ZNF420: variants seen among roughly 807,000 people sequenced by gnomAD.
ZNF420 encodes the protein ATM and p53-associated KZNF protein.
In ZNF420, 31 loss-of-function variants were observed where a neutral mutation model predicts 44.7. That is an observed-to-expected ratio of 0.69 (90% CI 0.52 to 0.94). The LOEUF is 0.94. Among genes scored for constraint, ZNF420 ranks in the 40% least tolerant of loss-of-function variants. The pLI, the probability that ZNF420 is intolerant of heterozygous loss-of-function variation, is 0.00. For synonymous variants in ZNF420, 245 were observed against 267.4 expected (o/e 0.92, Z 0.82); for missense variants, 681 against 827.9 (o/e 0.82, Z 2.18).
intron 1 of ZNF420, among the ~76,000 whole-genome samples, chr19:37,019,395 A>G (rs1297711233): frequency 6.6e-6 from 1 of 152,252 alleles, no homozygotes. Context: ...GTAATGATAT[A>G]GAGAAATGGG....
chr19:37,069,998 T>C (rs1006711430), intron 1 of ZNF420, among the ~76,000 whole-genome samples: 5 of 152,108 alleles, frequency 3.3e-5, no homozygotes, highest in African/African-American at 1.2e-4. Context: ...TAATAAAGTC[T>C]CAAATAGATT....
At chr19:37,048,497 A>G (rs922621477) in intron 1 of ZNF420, among the ~76,000 whole-genome samples, 4 of 152,200 alleles carry the variant, frequency 2.6e-5, no homozygotes, top group African/African-American at 9.6e-5. Flanking sequence ...AAGATAATCC[A>G]CAGAATGCCT....
intron 4 of ZNF420, among the ~76,000 whole-genome samples, chr19:37,120,866 C>T (rs541656303): frequency 1.1e-4 from 17 of 152,200 alleles, no homozygotes; most frequent in African/African-American, 4.1e-4. Context: ...AGTGAACTCC[C>T]ATTCACAATT....
intron 1 of ZNF420, among the ~76,000 whole-genome samples, chr19:37,018,916 C>G (rs1415316189): frequency 1.3e-5 from 2 of 152,050 alleles, no homozygotes; most frequent in Non-Finnish European, 2.9e-5. Flanking sequence ...TAAAATGGAT[C>G]CATAAACTAA....
chr19:37,081,356 C>A (rs935217601), intron 2 of ZNF420, among the ~76,000 whole-genome samples: 12 of 152,064 alleles, frequency 7.9e-5, no homozygotes, highest in Non-Finnish European at 1.5e-4. Context: ...CTTGAAAAGA[C>A]TATATTCTGT....
rs980143861 is a variant in ZNF420 at position 37,095,088 on chromosome 19, G to A, written c.136+3967G>A. Among the ~76,000 whole-genome samples the A allele has an allele frequency of 2.7e-5, 4 of 145,882 alleles. No homozygotes were observed. In the South Asian group the frequency reaches 8.6e-4, roughly 31 times the overall value. On this transcript the variant is annotated intron_variant, in intron 4 of 4. Coordinates refer to ENST00000337995, the MANE Select transcript of ZNF420 (RefSeq NM_144689.5). ...GGAGGTTGCAGTGAGCTAAGATCGC[G>A]CCACAGCACTCCAGCCTAGTGATAG...
At chr19:37,075,924 A>G (rs1277626603), upstream of ZNF420, among the ~76,000 whole-genome samples, 1 of 152,130 alleles carries the variant, frequency 6.6e-6, no homozygotes, top group African/African-American at 2.4e-5. Context: ...TAAAATATAT[A>G]CTATTTTTAT....
At chr19:37,122,424 G>T (rs1971099804) in intron 4 of ZNF420, among the ~76,000 whole-genome samples, 1 of 150,682 alleles carries the variant, frequency 6.6e-6, no homozygotes, top group Non-Finnish European at 1.5e-5. Flanking sequence ...GAGAACACAG[G>T]GACACAGGAA....
intron 1 of ZNF420, among the ~76,000 whole-genome samples, chr19:37,053,216 G>A (rs192953709): frequency 2.9e-4 from 44 of 152,214 alleles, no homozygotes; most frequent in African/African-American, 9.6e-4. Flanking sequence ...GCTCCATCAG[G>A]TCCTTTAAGG....
At chr19:37,059,885 C>T (rs1176858507) in intron 1 of ZNF420, among the ~76,000 whole-genome samples, 1 of 151,936 alleles carries the variant, frequency 6.6e-6, no homozygotes. Flanking sequence ...CTCTGTCTCT[C>T]ACTTCCTGTT....
At chr19:37,057,924 C>T (rs1405595292) in intron 1 of ZNF420, among the ~76,000 whole-genome samples, 1 of 152,164 alleles carries the variant, frequency 6.6e-6, no homozygotes, top group Non-Finnish European at 1.5e-5. Flanking sequence ...AAGCCAGGAA[C>T]CGGAGATGAC....
At chr19:37,013,903 G>A (rs1216699258) in intron 1 of ZNF420, among the ~76,000 whole-genome samples, 2 of 152,228 alleles carry the variant, frequency 1.3e-5, no homozygotes, top group Admixed American at 1.3e-4. Context: ...TCCCCTATGA[G>A]CAGATGTAGT....
chr19:37,014,636 C>T (rs900441775), intron 1 of ZNF420, among the ~76,000 whole-genome samples: 2 of 152,338 alleles, frequency 1.3e-5, no homozygotes, highest in Admixed American at 1.3e-4. Context: ...CCTGACAGCC[C>T]TGACATTGCA....
At chr19:37,060,413 C>G (rs1163772596) in intron 1 of ZNF420, among the ~76,000 whole-genome samples, 1 of 152,184 alleles carries the variant, frequency 6.6e-6, no homozygotes, top group East Asian at 1.9e-4. Flanking sequence ...CAGCCCGTGG[C>G]GGTGGCACTG....
At chr19:37,105,882 G>A (rs924374203) in intron 4 of ZNF420, among the ~76,000 whole-genome samples, 5 of 152,178 alleles carry the variant, frequency 3.3e-5, no homozygotes, top group African/African-American at 1.2e-4. Context: ...CATTGATTTT[G>A]TATCCTGAGA....
intron 4 of ZNF420, among the ~76,000 whole-genome samples, chr19:37,094,094 G>T (rs986733986): frequency 6.6e-6 from 1 of 152,102 alleles, no homozygotes; most frequent in Non-Finnish European, 1.5e-5. Flanking sequence ...TCTAGGCATG[G>T]TACATGAGTA....
intron 1 of ZNF420, among the ~76,000 whole-genome samples, chr19:37,056,462 T>C (rs1252441181): frequency 2.0e-5 from 3 of 152,292 alleles, no homozygotes; most frequent in Middle Eastern, 3.4e-3. Context: ...TGTGGTTGCA[T>C]TGGCTCCACC....
chr19:37,101,606 C>T (rs1969780637), intron 4 of ZNF420, among the ~76,000 whole-genome samples: 1 of 152,272 alleles, frequency 6.6e-6, no homozygotes, highest in African/African-American at 2.4e-5. Context: ...GTTGTATTCC[C>T]TTGAGCCTGT....
intron 1 of ZNF420, among the ~76,000 whole-genome samples, chr19:37,030,399 G>A (rs1158132414): frequency 6.6e-6 from 1 of 152,168 alleles, no homozygotes; most frequent in Admixed American, 6.6e-5. Flanking sequence ...CTGACCTCCT[G>A]ATCCTCCCAC....
Sources: gnomAD v4.1 joint callset for allele counts (sites outside exome capture counted in the v4.1 genomes callset) on GRCh38, gnomAD v4.1.1 for gene constraint, MANE v1.5 for transcripts, NCBI Gene and HGNC (gene_info 2026-07-23, HGNC 2026-07-21) for gene names.